KIAA1671: variants seen among roughly 807,000 people sequenced by gnomAD.
KIAA1671 encodes KIAA1671, also known as uncharacterized protein KIAA1671.
A neutral mutation model predicts 131.2 loss-of-function variants in KIAA1671; 52 were observed. The ratio of observed to expected loss-of-function variants is 0.40; its 90% CI spans 0.32 to 0.50. KIAA1671 has a LOEUF of 0.50. KIAA1671 is among the 20% of genes least tolerant of loss of function. The probability of loss-of-function intolerance (pLI) is 0.73; values close to 1 mark genes in which losing one functional copy is unlikely to be tolerated. For missense variants in KIAA1671, 2,360 were observed against 2,364.2 expected (o/e 1.00, Z 0.04); for synonymous variants, 1,003 against 961.6 (o/e 1.04, Z -0.80).
intron 11 of KIAA1671, among the ~76,000 whole-genome samples, chr22:25,187,473 G>C (rs553874214): frequency 1.5e-5 from 2 of 134,064 alleles, no homozygotes; most frequent in Middle Eastern, 4.0e-3. Flanking sequence ...TCATAAACGT[G>C]ATTTTTTTTT....
intron 6 of KIAA1671, among the ~76,000 whole-genome samples, chr22:25,093,824 T>TTCTCTCTCTCTCTCTCTCTCTG (rs1568951523): frequency 4.6e-5 from 1 of 21,922 alleles, no homozygotes; most frequent in Non-Finnish European, 8.3e-5. Context: ...CTCTCTCTCT[T>TTCTCTCTCTCTCTCTCTCTCTG]TCTCTCTCTG....
chr22:25,124,719 C>T (rs1183346701), intron 6 of KIAA1671, among the ~76,000 whole-genome samples: 1 of 152,206 alleles, frequency 6.6e-6, no homozygotes, highest in East Asian at 1.9e-4. Context: ...GTATGCTATG[C>T]TGCAGTAACA....
At chr22:24,992,931 A>G (rs571600882) in intron 1 of KIAA1671, among the ~76,000 whole-genome samples, 1 of 152,076 alleles carries the variant, frequency 6.6e-6, no homozygotes, top group Non-Finnish European at 1.5e-5. Context: ...GAGGTGGGGA[A>G]ACTGAGGTTT....
chr22:25,074,034 C>CCACAT (rs1323327522), intron 6 of KIAA1671, among the ~76,000 whole-genome samples: 3 of 152,066 alleles, frequency 2.0e-5, no homozygotes, highest in African/African-American at 4.8e-5. Flanking sequence ...ATTTTAGATT[C>CCACAT]CACATATAAG....
At chr22:25,181,238 A>G (rs1004131570) in intron 9 of KIAA1671, among the ~76,000 whole-genome samples, 2 of 152,162 alleles carry the variant, frequency 1.3e-5, no homozygotes, top group African/African-American at 4.8e-5. Flanking sequence ...TAAGTCCTGG[A>G]TAGGGGAGTT....
At chr22:24,982,714 G>A (rs1238561603) in intron 1 of KIAA1671, among the ~76,000 whole-genome samples, 1 of 152,236 alleles carries the variant, frequency 6.6e-6, no homozygotes, top group Non-Finnish European at 1.5e-5. Context: ...CAGGGTCACT[G>A]AGCTGGGATG....
chr22:24,998,470 A>G (rs1412088400), intron 1 of KIAA1671, among the ~76,000 whole-genome samples: 2 of 152,018 alleles, frequency 1.3e-5, no homozygotes, highest in Non-Finnish European at 2.9e-5. Context: ...CTGTAATCCC[A>G]GCACTTCGGG....
At chr22:25,044,022 A>T (rs1927088546) in intron 5 of KIAA1671, among the ~76,000 whole-genome samples, 2 of 152,210 alleles carry the variant, frequency 1.3e-5, no homozygotes, top group African/African-American at 2.4e-5. Flanking sequence ...AGTAATGATC[A>T]TGCGGTGAGG....
At chr22:24,956,870 T>C (rs1602024738) in intron 1 of KIAA1671, among the ~76,000 whole-genome samples, 1 of 64,474 alleles carries the variant, frequency 1.6e-5, no homozygotes, top group South Asian at 7.5e-4. Flanking sequence ...AGACTCTGTC[T>C]CAAAAAAAAA....
chr22:25,019,049 TTTGTGTGTG>T (rs1446283112), intron 1 of KIAA1671, among the ~76,000 whole-genome samples: 3 of 118,950 alleles, frequency 2.5e-5, no homozygotes, highest in Non-Finnish European at 3.5e-5. Flanking sequence ...CAATAGTTGT[TTTGTGTGTG>T]TGTGTGTGTG....
chr22:25,131,480 C>CG (rs1270468600), intron 6 of KIAA1671, among the ~76,000 whole-genome samples: 1 of 152,214 alleles, frequency 6.6e-6, no homozygotes, highest in African/African-American at 2.4e-5. Context: ...GCAGGTGGCA[C>CG]GGGGCTGCTC....
chr22:25,156,609 ATG>A (rs1253886131), intron 6 of KIAA1671, among the ~76,000 whole-genome samples: 1 of 150,878 alleles, frequency 6.6e-6, no homozygotes, highest in Non-Finnish European at 1.5e-5. Flanking sequence ...GTGTTTGTGT[ATG>A]TGTTTTGTGT....
At chr22:25,069,293 G>T (rs1385517771) in intron 6 of KIAA1671, among the ~76,000 whole-genome samples, 2 of 152,206 alleles carry the variant, frequency 1.3e-5, no homozygotes, top group South Asian at 2.1e-4. Context: ...TACAGAAGGG[G>T]TAACTGAGGC....
intron 6 of KIAA1671, among the ~76,000 whole-genome samples, chr22:25,091,652 A>G (rs1193059803): frequency 3.3e-5 from 5 of 152,346 alleles, no homozygotes; most frequent in African/African-American, 4.8e-5. Flanking sequence ...TTCAGTTGCC[A>G]TGGCTACGGG....
chr22:25,047,417 C>T (rs1043338140), intron 5 of KIAA1671, among the ~76,000 whole-genome samples: 19 of 151,064 alleles, frequency 1.3e-4, no homozygotes, highest in African/African-American at 4.6e-4. Context: ...TCCCAAAGTG[C>T]TAGGATTACA....
In KIAA1671 at chr22:25,039,783, G is replaced by A. The variant is rs970971940; in HGVS notation, c.2653G>A (p.Asp885Asn). The A allele has an allele frequency of 2.7e-6, 4 of 1,505,936 alleles. No individual in the cohort carries two copies. Among genetic ancestry groups the A allele is most frequent in the Non-Finnish European group, 3.6e-6 (4 of 1,122,308 alleles). The allele number at this position is 1,505,936 out of a possible 1,614,324, so 93.3% of individuals were successfully genotyped here. The change falls in exon 5 of 13, where the codon GAT (aspartate) becomes AAT (asparagine). Residue 885 changes from aspartate to asparagine, a missense_variant. Coordinates refer to ENST00000358431, the MANE Select transcript of KIAA1671 (RefSeq NM_001145206.2). ...ARGPPQGCPL[D>N]PLSRATNGPS... ...GGGCCCACCCCAGGGATGCCCCCTC[G>A]ATCCTCTTTCCAGGGCTACGAATGG...
intron 6 of KIAA1671, chr22:25,055,145 T>G (rs1204506678): frequency 6.7e-6 from 1 of 149,634 alleles, no homozygotes; most frequent in Non-Finnish European, 1.5e-5. Context: ...TTGAGAGGTT[T>G]GAGAGCATTT....
At chr22:25,049,136 T>A in intron 5 of KIAA1671, 94 bp from the exon 6 acceptor site, 4 of 1,418,088 alleles carry the variant, frequency 2.8e-6, no homozygotes, top group Non-Finnish European at 2.8e-6. Context: ...TTCTTTGCCC[T>A]TTTTGGTACA....
At position 25,041,094 on chromosome 22, in the gene KIAA1671, A is replaced by C. The variant is rs1322981705; in HGVS notation, c.3964A>C (p.Thr1322Pro). 9 of 1,543,268 alleles carry C rather than the reference A, an allele frequency of 5.8e-6. No homozygotes were observed. Among genetic ancestry groups the C allele is most frequent in the Non-Finnish European group, 7.9e-6 (9 of 1,142,506 alleles). ...SPIPADPRKK[T>P]GFAEDDRKAF... ...TATACCTGCGGATCCCAGGAAAAAA[A>C]CGGGGTTTGCTGAGGATGACAGAAA... The change falls in exon 5 of 13, where the codon ACG becomes CCG. Residue 1322 changes from threonine (T) to proline (P), a missense_variant. This residue lies in a region of KIAA1671 where 1,161 missense variants were observed against 1,204.7 expected (regional missense o/e 0.96). Transcript: ENST00000358431.
Sources: gnomAD v4.1 joint callset for allele counts (sites outside exome capture counted in the v4.1 genomes callset) on GRCh38, gnomAD v4.1.1 for gene constraint, gnomAD v4.1.1 regional missense constraint, MANE v1.5 for transcripts, NCBI Gene and HGNC (gene_info 2026-07-23, HGNC 2026-07-21) for gene names.